Variants in CHRDL1 observed in about 807,000 individuals in gnomAD.
CHRDL1 encodes the protein chordin like 1.
In CHRDL1, 19 loss-of-function variants were observed where a neutral mutation model predicts 40.9. The observed-to-expected ratio is 0.46, with a 90% CI of 0.32 to 0.68. The LOEUF (loss-of-function observed/expected upper bound fraction) is 0.68. Ranked by LOEUF, CHRDL1 falls within the 30% of genes least tolerant of loss-of-function variation. The probability of loss-of-function intolerance (pLI) is 0.03; values close to 1 mark genes in which losing one functional copy is unlikely to be tolerated. For missense variants in CHRDL1, 329 were observed against 352.1 expected, an observed-to-expected ratio of 0.93 and a Z score of 0.53; for synonymous variants, 136 against 123.4, an observed-to-expected ratio of 1.10 and a Z score of -0.68.
intron 2 of CHRDL1, among the ~76,000 whole-genome samples, chrX:110,766,638 A>G (rs893166909): frequency 9.0e-6 from 1 of 111,246 alleles, no homozygotes; most frequent in African/African-American, 3.3e-5. Flanking sequence ...AGCTTAAATC[A>G]AGAAGAATTA....
chrX:110,703,684 T>G (rs981052950), intron 6 of CHRDL1, among the ~76,000 whole-genome samples: 4 of 111,821 alleles, frequency 3.6e-5, no homozygotes, highest in Non-Finnish European at 7.5e-5. Flanking sequence ...ATACACATGC[T>G]TAGGAGACAC....
intron 1 of CHRDL1, among the ~76,000 whole-genome samples, chrX:110,794,759 C>T (rs903642312): frequency 6.2e-5 from 7 of 112,341 alleles, no homozygotes; most frequent in African/African-American, 2.3e-4. Flanking sequence ...CACATGTCAG[C>T]CAGTTCTTCA....
chrX:110,702,089 C>A (rs1049928387), intron 6 of CHRDL1, among the ~76,000 whole-genome samples: 1 of 110,982 alleles, frequency 9.0e-6, no homozygotes, highest in Non-Finnish European at 1.9e-5. Flanking sequence ...ATTGTATAAT[C>A]GTGTCATTCC....
chrX:110,783,131 T>G (rs2089970647), intron 2 of CHRDL1, among the ~76,000 whole-genome samples: 1 of 111,614 alleles, frequency 9.0e-6, no homozygotes, highest in Non-Finnish European at 1.9e-5. Context: ...AACATTATAA[T>G]TTTTTTTTCT....
intron 2 of CHRDL1, among the ~76,000 whole-genome samples, chrX:110,768,780 G>C (rs778584404): frequency 4.5e-5 from 5 of 111,031 alleles, no homozygotes; most frequent in African/African-American, 1.6e-4. Flanking sequence ...TTGGGGCTCA[G>C]ACTGAGCCAC....
chrX:110,720,845 A>G (rs1390258116), intron 5 of CHRDL1, among the ~76,000 whole-genome samples: 1 of 111,869 alleles, frequency 8.9e-6, no homozygotes, highest in African/African-American at 3.2e-5. Context: ...TTGTTTGTAA[A>G]GTAAATGCAG....
intron 2 of CHRDL1, among the ~76,000 whole-genome samples, chrX:110,788,748 C>G (rs2047318226): frequency 8.9e-6 from 1 of 111,904 alleles, no homozygotes; most frequent in African/African-American, 3.2e-5. Flanking sequence ...AAAAGTGAAA[C>G]TTGCCAATTG....
intron 2 of CHRDL1, among the ~76,000 whole-genome samples, chrX:110,786,052 T>G (rs1428989249): frequency 8.9e-6 from 1 of 112,200 alleles, no homozygotes; most frequent in East Asian, 2.8e-4. Context: ...AAACCAAGGT[T>G]ACCCAGAATG....
chrX:110,724,202 C>A (rs1445894642), intron 4 of CHRDL1, among the ~76,000 whole-genome samples: 2 of 112,286 alleles, frequency 1.8e-5, no homozygotes, highest in Non-Finnish European at 3.8e-5. Flanking sequence ...ACAACAACAA[C>A]AAAAAAGAAG....
intron 4 of CHRDL1, among the ~76,000 whole-genome samples, chrX:110,754,930 T>C (rs191475227): frequency 1.8e-5 from 2 of 110,200 alleles, no homozygotes; most frequent in Admixed American, 9.7e-5. Flanking sequence ...CTTTTTGTGA[T>C]AAAATTCTCT....
chrX:110,705,304 T>TATATATATATATATATATATATACAC (rs1491498596), intron 6 of CHRDL1, among the ~76,000 whole-genome samples: 1 of 77,591 alleles, frequency 1.3e-5, no homozygotes, highest in African/African-American at 5.7e-5. Context: ...TATATATATA[T>TATATATATATATATATATATATACAC]ACACACACAC....
chrX:110,676,486 A>G (rs1454320272), intron 11 of CHRDL1, 125 bp from the exon 12 acceptor site: 1 of 588,040 alleles, frequency 1.7e-6, no homozygotes, highest in African/African-American at 2.3e-5. Context: ...AATTTGGAAT[A>G]CAAATATCAC....
chrX:110,742,346 T>C lies in CHRDL1; in HGVS notation c.301+17315A>G, dbSNP rs73528234. On this transcript the variant is annotated intron_variant, in intron 4 of 11. Transcript: ENST00000372042. ...CCTGCCAGGCTGTTGCACAGGCTTC[T>C]CTAATGTATACCTGAGCACCTGCAC... Among the ~76,000 whole-genome samples, 388 of 112,330 alleles carry C rather than the reference T, an allele frequency of 3.5e-3. 3 individuals carry two copies. The highest frequency in any genetic ancestry group is 0.012 in the African/African-American group (365 of 30,950).
intron 4 of CHRDL1, among the ~76,000 whole-genome samples, chrX:110,755,659 C>T (rs1297187265): frequency 8.9e-6 from 1 of 111,865 alleles, no homozygotes; most frequent in Non-Finnish European, 1.9e-5. Flanking sequence ...GCTTATTTGT[C>T]GTCTTTTTAT....
At chrX:110,684,798 G>A (rs886785950) in intron 9 of CHRDL1, among the ~76,000 whole-genome samples, 2 of 112,493 alleles carry the variant, frequency 1.8e-5, no homozygotes, top group African/African-American at 3.2e-5. Flanking sequence ...TGGAGCAGGT[G>A]CCCTTGGCTA....
chrX:110,709,718 G>C (rs750578065), intron 6 of CHRDL1, among the ~76,000 whole-genome samples: 1 of 112,169 alleles, frequency 8.9e-6, no homozygotes, highest in East Asian at 2.8e-4. Context: ...AAAAATCCAA[G>C]TGCCCACTGA....
chrX:110,775,189 G>A (rs183973095), intron 2 of CHRDL1, among the ~76,000 whole-genome samples: 2 of 111,778 alleles, frequency 1.8e-5, no homozygotes, highest in East Asian at 5.6e-4. Context: ...GAACTTTCAG[G>A]AGTCATGGAT....
chrX:110,704,689 G>A (rs964450121), intron 6 of CHRDL1, among the ~76,000 whole-genome samples: 8 of 111,664 alleles, frequency 7.2e-5, no homozygotes, highest in African/African-American at 2.6e-4. Flanking sequence ...GAGCAGGGAT[G>A]AGCTTAGATT....
At chrX:110,697,481 A>C in intron 7 of CHRDL1, among the ~76,000 whole-genome samples, 1 of 110,968 alleles carries the variant, frequency 9.0e-6, no homozygotes, top group East Asian at 2.8e-4. Flanking sequence ...GTTTAATTTA[A>C]AAAGCGGCTT....
Sources: allele counts gnomAD v4.1 joint callset (sites outside exome capture counted in the v4.1 genomes callset), GRCh38; gene constraint gnomAD v4.1.1; transcripts MANE v1.5; gene names NCBI Gene and HGNC (gene_info 2026-07-23, HGNC 2026-07-21).